SCART1: variants seen among roughly 807,000 people sequenced by gnomAD.
The protein encoded by SCART1 is scavenger receptor family member expressed on T cells 1.
A neutral mutation model predicts 36.2 loss-of-function variants in SCART1; 62 were observed. The observed-to-expected ratio is 1.71, with a 90% CI of 1.40 to 2.12. The LOEUF (loss-of-function observed/expected upper bound fraction) is 2.12. Ranked by LOEUF, SCART1 falls within the 30% of genes most tolerant of loss-of-function variation. The pLI, the probability that SCART1 is intolerant of heterozygous loss-of-function variation, is 0.00. For synonymous variants in SCART1, 487 were observed against 238.7 expected (o/e 2.04, Z -9.59); for missense variants, 1,041 against 540.5 (o/e 1.93, Z -9.18).
chr10:133,461,801 CT>C (rs1361836168), intron 6 of SCART1, among the ~76,000 whole-genome samples: 1 of 152,222 alleles, frequency 6.6e-6, no homozygotes, highest in Non-Finnish European at 1.5e-5. Flanking sequence ...GAACATTCTG[CT>C]GGTTTCTGTG....
intron 10 of SCART1, 166 bp from the exon 11 acceptor site, chr10:133,467,032 G>C: frequency 1.9e-6 from 1 of 531,216 alleles, no homozygotes; most frequent in South Asian, 2.7e-5. Flanking sequence ...AGGGATGGGA[G>C]GGCACTGGGA....
intron 6 of SCART1, among the ~76,000 whole-genome samples, chr10:133,461,318 G>A (rs1014376775): frequency 6.6e-6 from 1 of 152,146 alleles, no homozygotes; most frequent in Non-Finnish European, 1.5e-5. Flanking sequence ...GGTCTCCCAG[G>A]GTATTTTCAG....
At chr10:133,456,124 G>C (rs1850606631) in intron 1 of SCART1, 113 bp from the exon 2 acceptor site, 2 of 633,230 alleles carry the variant, frequency 3.2e-6, no homozygotes, top group Admixed American at 4.7e-5. Context: ...GGGGTGAGAG[G>C]AGCCCGACTC....
At chr10:133,456,392 G>T in exon 2 of SCART1, 1 of 702,910 alleles carries the variant, frequency 1.4e-6, no homozygotes, top group Non-Finnish European at 2.6e-6. Context: ...CGGCCCTGCC[G>T]TGGGCGCCCC....
intron 3 of SCART1, chr10:133,457,896 ACTTCTTCCCAGCCC>A: frequency 9.7e-6 from 5 of 515,204 alleles, no homozygotes; most frequent in Admixed American, 7.0e-5. Context: ...GGTAGAGGTC[ACTTCTTCCCAGCCC>A]TGCCTCAACT....
At chr10:133,463,722 T>C (rs923059300) in intron 6 of SCART1, among the ~76,000 whole-genome samples, 1 of 152,192 alleles carries the variant, frequency 6.6e-6, no homozygotes, top group African/African-American at 2.4e-5. Flanking sequence ...TGTACATCTC[T>C]ATGGGGTTCA....
intron 6 of SCART1, among the ~76,000 whole-genome samples, chr10:133,462,176 C>T (rs544879079): frequency 2.0e-5 from 3 of 152,342 alleles, no homozygotes; most frequent in East Asian, 3.9e-4. Context: ...ACAGGCAGGC[C>T]GTGGAGCCCT....
At chr10:133,459,093 C>A (rs1169920594) in exon 5 of SCART1, 10 of 699,402 alleles carry the variant, frequency 1.4e-5, no homozygotes, top group Non-Finnish European at 2.6e-5. Flanking sequence ...TCCTGGGCAC[C>A]CCTCTGTGCC....
intron 2 of SCART1, 46 bp downstream of exon 2, chr10:133,456,600 G>GTGGGAGGACGAGGAGGAGGAC (rs1259637542): frequency 1.6e-5 from 10 of 618,772 alleles, no homozygotes; most frequent in African/African-American, 1.5e-4. Context: ...AGGAGGAGGA[G>GTGGGAGGACGAGGAGGAGGAC]TGGGAGGACG....
chr10:133,460,554 T>TA (rs56134473), intron 6 of SCART1, among the ~76,000 whole-genome samples: 3 of 150,092 alleles, frequency 2.0e-5, no homozygotes, highest in Admixed American at 6.7e-5. Context: ...TTTATTTATT[T>TA]TGAGACGGTC....
At chr10:133,464,325 GGGCGTGCAGTGAA>G in intron 6 of SCART1, 1 of 394,508 alleles carries the variant, frequency 2.5e-6, no homozygotes, top group Non-Finnish European at 4.6e-6. Flanking sequence ...CAGTGAACCT[GGGCGTGCAGTGAA>G]CCTGGGTGCT....
rs1850755535 is a variant in SCART1, at chr10:133,465,528, CCG to C, written c.2628_2629del (p.His877ArgfsTer73). On this transcript the variant is annotated frameshift_variant, in exon 9 of 12. Coordinates refer to ENST00000640237, the Ensembl canonical transcript of SCART1. LOFTEE classifies it high-confidence loss of function. ...CTGCGGAGCGGTGGGGACGCGGAGA[CCG>C]CGCGCACGAGGAGGACGCGGGCGTG... The C allele has an allele frequency of 3.8e-6, 2 of 527,396 alleles. No individual in the cohort carries two copies. Among genetic ancestry groups the C allele is most frequent in the South Asian group, 2.7e-5 (1 of 36,624 alleles). The allele number at this position is 527,396 out of a possible 1,614,324, so 32.7% of individuals were successfully genotyped here.
chr10:133,460,923 A>G (rs1028994959), intron 6 of SCART1, among the ~76,000 whole-genome samples: 2 of 151,702 alleles, frequency 1.3e-5, no homozygotes, highest in Non-Finnish European at 2.9e-5. Flanking sequence ...TTTTGTAGAG[A>G]TGGAGTTTCA....
At chr10:133,459,608 C>T (rs1003037762) in exon 6 of SCART1, 2 of 673,816 alleles carry the variant, frequency 3.0e-6, no homozygotes, top group African/African-American at 1.8e-5. Flanking sequence ...GCGGCGCGGG[C>T]GTGGTGTGCC....
chr10:133,460,500 TAA>T (rs1194442946), intron 6 of SCART1, among the ~76,000 whole-genome samples: 10 of 134,668 alleles, frequency 7.4e-5, no homozygotes, highest in Middle Eastern at 3.9e-3. Context: ...TTATATATTT[TAA>T]AAAATATTTT....
chr10:133,463,098 C>T (rs1194597006), intron 6 of SCART1, among the ~76,000 whole-genome samples: 1 of 152,142 alleles, frequency 6.6e-6, no homozygotes, highest in Non-Finnish European at 1.5e-5. Flanking sequence ...TCTAACATGC[C>T]ATTAGGTGAC....
chr10:133,455,249 A>G (rs1850594639), intron 1 of SCART1, among the ~76,000 whole-genome samples: 1 of 152,200 alleles, frequency 6.6e-6, no homozygotes, highest in Non-Finnish European at 1.5e-5. Flanking sequence ...CCTGAGTGAC[A>G]GAGCGAGACT....
At position 133,467,371 on chromosome 10, in the gene SCART1, C is replaced by T; in HGVS notation, c.2962+18C>T. 1.4e-6 allele frequency: 1 copy of T among 695,310 alleles called. No homozygotes were observed. Among genetic ancestry groups the T allele is most frequent in the Non-Finnish European group, 2.6e-6 (1 of 381,308 alleles). The allele number at this position is 695,310 out of a possible 1,614,324, so 43.1% of individuals were successfully genotyped here. A position where few individuals can be genotyped will look rare whatever the true frequency, so the allele number is the denominator to read the frequency against. On this transcript the variant is annotated intron_variant, in intron 11 of 11. Coordinates refer to ENST00000640237, the Ensembl canonical transcript of SCART1. ...AGCCGCAGGTGGGTTTGTGCTCCAG[C>T]TCAGGGGTGAGCTCTGGGGTGGGCT...
chr10:133,465,773 T>C (rs1850758286), intron 9 of SCART1: 1 of 680,222 alleles, frequency 1.5e-6, no homozygotes, highest in African/African-American at 1.8e-5. Flanking sequence ...TAATCTTTTT[T>C]GGGAATTCCC....
Sources: gnomAD v4.1 joint callset for allele counts (sites outside exome capture counted in the v4.1 genomes callset) on GRCh38, gnomAD v4.1.1 for gene constraint, MANE v1.5 for transcripts, NCBI Gene and HGNC (gene_info 2026-07-23, HGNC 2026-07-21) for gene names.